The following MYO19 variants were observed in gnomAD, a reference collection of about 807,000 sequenced individuals.
The protein encoded by MYO19 is unconventional myosin-XIX.
In MYO19, 132 loss-of-function variants were observed where a neutral mutation model predicts 129.2. The ratio of observed to expected loss-of-function variants is 1.02; its 90% CI spans 0.89 to 1.18. The LOEUF (loss-of-function observed/expected upper bound fraction) is 1.18. Among genes scored for constraint, MYO19 ranks in the 50% most tolerant of loss-of-function variants. The pLI, the probability that MYO19 is intolerant of heterozygous loss-of-function variation, is 0.00. For synonymous variants in MYO19, 531 were observed against 477.2 expected (o/e 1.11, Z -1.47); for missense variants, 1,210 against 1,216.7 (o/e 0.99, Z 0.08).
intron 21 of MYO19, chr17:36,501,836 G>C (rs371999018): frequency 1.3e-5 from 2 of 152,242 alleles, no homozygotes; most frequent in East Asian, 1.9e-4. Flanking sequence ...CTGACTCCTG[G>C]AGAGGTAGGA....
At chr17:36,509,381 G>A (rs752347685) in intron 13 of MYO19, 2 of 571,156 alleles carry the variant, frequency 3.5e-6, no homozygotes, top group Non-Finnish European at 6.3e-6. Context: ...GGAAGACTGA[G>A]CACAGGACAA....
At chr17:36,516,519 C>T (rs942884871) in intron 6 of MYO19, among the ~76,000 whole-genome samples, 6 of 152,120 alleles carry the variant, frequency 3.9e-5, no homozygotes, top group South Asian at 2.1e-4. Context: ...TACAGGCGCA[C>T]GCCACCACGC....
intron 19 of MYO19, 138 bp downstream of exon 19, chr17:36,505,159 G>T: frequency 1.2e-6 from 1 of 821,558 alleles, no homozygotes; most frequent in Non-Finnish European, 2.2e-6. Context: ...AGGGAGATGG[G>T]TCCTCTCTCA....
At chr17:36,540,017 C>A (rs774197065) in intron 2 of MYO19, among the ~76,000 whole-genome samples, 1 of 151,604 alleles carries the variant, frequency 6.6e-6, no homozygotes, top group African/African-American at 2.4e-5. Flanking sequence ...AAAAGTCCTA[C>A]GTTGGGAGGG....
At chr17:36,514,243 C>T (rs2142083352) in intron 9 of MYO19, among the ~76,000 whole-genome samples, 1 of 152,322 alleles carries the variant, frequency 6.6e-6, no homozygotes, top group African/African-American at 2.4e-5. Context: ...GTAAAACATA[C>T]TCCCAGGCCA....
At chr17:36,502,151 G>A (rs1372722958) in intron 21 of MYO19, among the ~76,000 whole-genome samples, 4 of 152,156 alleles carry the variant, frequency 2.6e-5, no homozygotes, top group East Asian at 3.9e-4. Flanking sequence ...CTGCCGAGGC[G>A]GGGCCCCCCG....
Position 36,527,940 on chromosome 17 carries a change from C to T in MYO19, c.151+124G>A, listed in dbSNP as rs569511772. On this transcript the variant is annotated intron_variant, in intron 4 of 25. Transcript: ENST00000614623. The stretch of plus-strand genomic sequence containing the variant: ...TCCCTCAGGCGGAGGTCTGGAGCAG[C>T]CCACCTGGCTCCAGATCAGGAGTCC... 3.0e-5 allele frequency: 41 copies of T among 1,354,680 alleles called. 1 individual carries two copies. In the South Asian group the frequency reaches 5.8e-4, roughly 19 times the overall value. The allele number at this position is 1,354,680 out of a possible 1,614,324, so 83.9% of individuals were successfully genotyped here.
intron 23 of MYO19, 32 bp from the exon 24 acceptor site, chr17:36,499,192 TAATA>T (rs1567727947): frequency 9.0e-6 from 14 of 1,548,118 alleles, no homozygotes; most frequent in Non-Finnish European, 1.1e-5. Context: ...AGGAAAGAGA[TAATA>T]AAGGGGCCAT....
Position 36,512,646 on chromosome 17 carries a change from T to C in MYO19, c.894+783A>G. ...CTTGTCCCCAGGTACTGTCCTTCTG[T>C]CAAGTTCTTACCTGGCAGTGTCTGA... On this transcript the variant is annotated intron_variant, in intron 11 of 25. Coordinates refer to ENST00000614623, the MANE Select transcript of MYO19 (RefSeq NM_001163735.2). 3.1e-6 allele frequency: 4 copies of C among 1,288,908 alleles called. No homozygotes were observed. In the African/African-American group the frequency reaches 4.5e-5, roughly 15 times the overall value. The allele number at this position is 1,288,908 out of a possible 1,614,324, so 79.8% of individuals were successfully genotyped here.
chr17:36,521,613 G>A (rs367965620), intron 6 of MYO19, among the ~76,000 whole-genome samples: 1 of 152,062 alleles, frequency 6.6e-6, no homozygotes, highest in Non-Finnish European at 1.5e-5. Flanking sequence ...CCCACACAAA[G>A]TACCCAGCAT....
intron 9 of MYO19, 121 bp from the exon 10 acceptor site, chr17:36,513,846 C>T (rs1289991430): frequency 1.2e-6 from 1 of 828,650 alleles, no homozygotes; most frequent in Non-Finnish European, 1.9e-6. Context: ...GCTCAGAGGT[C>T]CCTTCCGAGA....
chr17:36,519,111 G>A (rs1208177644), intron 6 of MYO19, among the ~76,000 whole-genome samples: 2 of 152,120 alleles, frequency 1.3e-5, no homozygotes. Flanking sequence ...TCCCAGGCTG[G>A]TCTTGAACTT....
chr17:36,499,009 C>G, intron 24 of MYO19, 66 bp downstream of exon 24: 1 of 1,303,002 alleles, frequency 7.7e-7, no homozygotes. Context: ...CCAGCATTCC[C>G]ACTCGGGTCC....
At chr17:36,512,724 G>A in intron 11 of MYO19, 1 of 1,289,128 alleles carries the variant, frequency 7.8e-7, no homozygotes, top group Non-Finnish European at 1.0e-6. Flanking sequence ...CTACCTCCCT[G>A]AAGTGGCCTC....
intron 11 of MYO19, 92 bp from the exon 12 acceptor site, chr17:36,511,547 G>C: frequency 9.0e-7 from 1 of 1,107,952 alleles, no homozygotes; most frequent in East Asian, 2.6e-5. Context: ...AATCACGACA[G>C]CAGAAGGGCA....
chr17:36,522,797 G>A (rs907029181), intron 6 of MYO19, among the ~76,000 whole-genome samples: 7 of 152,134 alleles, frequency 4.6e-5, no homozygotes, highest in Admixed American at 3.9e-4. Context: ...CACGAGGTCA[G>A]GAGATCGAGA....
At chr17:36,498,828 TA>T in intron 24 of MYO19, 3 of 594,056 alleles carry the variant, frequency 5.1e-6, no homozygotes, top group Non-Finnish European at 9.0e-6. Context: ...CCCAGTCTTC[TA>T]AAGTGTACAT....
chr17:36,507,801 A>G lies in MYO19; in HGVS notation c.1353+2T>C. On this transcript the variant is annotated splice_donor_variant, in intron 15 of 25. Transcript: ENST00000614623. LOFTEE classifies it high-confidence loss of function. ...CTGCCTCCTGCTCACCCCATCCCTCACCTGCTGGGCCCTTAGGTAGTGAGC... is the reference window on the plus strand; with the variant it reads ...CTGCCTCCTGCTCACCCCATCCCTCGCCTGCTGGGCCCTTAGGTAGTGAGC... 6.2e-7 allele frequency: 1 copy of G among 1,606,728 alleles called. No individual in the cohort carries two copies. Among genetic ancestry groups the G allele is most frequent in the South Asian group, 1.1e-5 (1 of 90,198 alleles).
At chr17:36,516,087 C>T (rs991391177) in intron 6 of MYO19, 97 bp from the exon 7 acceptor site, 5 of 1,385,166 alleles carry the variant, frequency 3.6e-6, no homozygotes, top group Non-Finnish European at 4.8e-6. Flanking sequence ...CTCTTCTCCA[C>T]CAGTGTGTTG....
Sources: allele counts gnomAD v4.1 joint callset (sites outside exome capture counted in the v4.1 genomes callset), GRCh38; gene constraint gnomAD v4.1.1; transcripts MANE v1.5; gene names NCBI Gene and HGNC (gene_info 2026-07-23, HGNC 2026-07-21).